Variants in ZHX3 observed in about 807,000 individuals in gnomAD.
ZHX3 encodes zinc fingers and homeoboxes 3, also known as zinc fingers and homeoboxes protein 3.
ZHX3 carries 20 observed loss-of-function variants against 64.5 expected under a neutral mutation model. The observed-to-expected ratio is 0.31, with a 90% CI of 0.22 to 0.45. ZHX3 has a LOEUF of 0.45. Among genes scored for constraint, ZHX3 ranks in the 20% least tolerant of loss-of-function variants. The pLI, the probability that ZHX3 is intolerant of heterozygous loss-of-function variation, is 1.00. For missense variants in ZHX3, 1,041 were observed against 1,195.8 expected, an observed-to-expected ratio of 0.87 and a Z score of 1.91; for synonymous variants, 423 against 461.6, an observed-to-expected ratio of 0.92 and a Z score of 1.07.
At chr20:41,295,554 C>G (rs1415011075) in intron 1 of ZHX3, among the ~76,000 whole-genome samples, 2 of 152,102 alleles carry the variant, frequency 1.3e-5, no homozygotes, top group Non-Finnish European at 2.9e-5. Context: ...GTTGGCTGTA[C>G]AATACTTTTA....
At chr20:41,236,543 G>A (rs1176855663) in intron 2 of ZHX3, among the ~76,000 whole-genome samples, 1 of 152,134 alleles carries the variant, frequency 6.6e-6, no homozygotes, top group Non-Finnish European at 1.5e-5. Context: ...TTTAATAAAC[G>A]GTGCTGGGAA....
At chr20:41,190,562 T>C (rs1335987447) in intron 3 of ZHX3, among the ~76,000 whole-genome samples, 1 of 152,240 alleles carries the variant, frequency 6.6e-6, no homozygotes, top group Admixed American at 6.5e-5. Flanking sequence ...TGTTTGGCAT[T>C]GTACTCTGGT....
chr20:41,185,147 C>T lies in ZHX3; in HGVS notation c.*44G>A, dbSNP rs376111178. 21 of 1,599,114 alleles carry T rather than the reference C, an allele frequency of 1.3e-5. No individual in the cohort carries two copies. Among genetic ancestry groups the T allele is most frequent in the Admixed American group, 5.2e-5 (3 of 58,070 alleles). ...GGGTTTGGCTCTTCCACGTGGCAGG[C>T]GGTTTCCCAGACTGGCCAGTCCTTC... On this transcript the variant is annotated 3_prime_UTR_variant, in exon 4 of 4. Coordinates refer to ENST00000683867, the MANE Select transcript of ZHX3 (RefSeq NM_001384317.1). This position sits in a 1 kb window ranked among gnomAD's most constrained non-coding sequence, Gnocchi z 5.0.
At chr20:41,239,839 T>C (rs1454902628) in intron 2 of ZHX3, 1 of 152,236 alleles carries the variant, frequency 6.6e-6, no homozygotes, top group African/African-American at 2.4e-5. Flanking sequence ...TAAGTGACAC[T>C]ATTTTTATCG....
In ZHX3 at chr20:41,185,350, C is replaced by T; in HGVS notation, c.2861-149G>A. The T allele has an allele frequency of 1.1e-6, 1 of 947,824 alleles. No individual in the cohort carries two copies. Among genetic ancestry groups the T allele is most frequent in the Non-Finnish European group, 1.6e-6 (1 of 638,140 alleles). The allele number at this position is 947,824 out of a possible 1,614,324, so 58.7% of individuals were successfully genotyped here. A position where few individuals can be genotyped will look rare whatever the true frequency, so the allele number is the denominator to read the frequency against. ...ATGAATGGCCTTCTGCCACCCACTC[C>T]CCCACCCTCCAGCCTGAGGGAATGT... is the stretch of plus-strand genomic sequence containing the variant. On this transcript the variant is annotated intron_variant, in intron 3 of 3. Transcript: ENST00000683867. The surrounding 1 kb of genome is among the most constrained non-coding windows in gnomAD (Gnocchi z 5.0).
intron 1 of ZHX3, among the ~76,000 whole-genome samples, chr20:41,285,139 TAA>T (rs1568943582): frequency 6.6e-6 from 1 of 152,114 alleles, no homozygotes; most frequent in Non-Finnish European, 1.5e-5. Context: ...TCATGGAACC[TAA>T]CATGCTAAAC....
intron 1 of ZHX3, among the ~76,000 whole-genome samples, chr20:41,271,539 T>C (rs953520126): frequency 5.3e-5 from 8 of 152,170 alleles, no homozygotes; most frequent in African/African-American, 1.7e-4. Flanking sequence ...GGATGGCATA[T>C]TTTGGATCAT....
At chr20:41,262,017 T>C (rs1380411531) in intron 2 of ZHX3, among the ~76,000 whole-genome samples, 3 of 152,090 alleles carry the variant, frequency 2.0e-5, no homozygotes, top group Non-Finnish European at 2.9e-5. Flanking sequence ...TCCCTAAAAC[T>C]AACAAACAAA....
intron 1 of ZHX3, among the ~76,000 whole-genome samples, chr20:41,281,669 C>T (rs2043682972): frequency 1.3e-5 from 2 of 152,138 alleles, no homozygotes; most frequent in African/African-American, 4.8e-5. Flanking sequence ...GGATGACTTC[C>T]TCCAGGAACT....
intron 2 of ZHX3, among the ~76,000 whole-genome samples, chr20:41,251,017 AAAT>A (rs1034816733): frequency 1.4e-4 from 21 of 152,310 alleles, no homozygotes; most frequent in African/African-American, 5.1e-4. Context: ...TAAAATTAAA[AAAT>A]AAAACCATGG....
chr20:41,294,981 A>T (rs6124337), intron 1 of ZHX3, among the ~76,000 whole-genome samples: 1 of 152,064 alleles, frequency 6.6e-6, no homozygotes, highest in Non-Finnish European at 1.5e-5. Flanking sequence ...ATACATAGGC[A>T]TGAGCCCCTG....
chr20:41,245,437 C>A (rs2041634397), intron 2 of ZHX3, among the ~76,000 whole-genome samples: 1 of 152,194 alleles, frequency 6.6e-6, no homozygotes, highest in Middle Eastern at 3.2e-3. Flanking sequence ...AGGTGCTGTG[C>A]TTTGAGTTCT....
intron 1 of ZHX3, among the ~76,000 whole-genome samples, chr20:41,314,356 A>C (rs896262207): frequency 6.6e-6 from 1 of 152,220 alleles, no homozygotes; most frequent in African/African-American, 2.4e-5. Context: ...CCATCCAAAA[A>C]CTGATAAGCA....
Position 41,212,702 on chromosome 20 carries a change from CAGG to C in ZHX3, c.-150-7639_-150-7637del, listed in dbSNP as rs2039248563. ...ATCCCAGCTACTCAGGAGGCTGAGG[CAGG>C]AGAATTGCTTGAACCTGGGAGGCGG... On this transcript the variant is annotated intron_variant, in intron 2 of 3. Coordinates refer to ENST00000683867, the MANE Select transcript of ZHX3 (RefSeq NM_001384317.1). This position sits in a 1 kb window ranked among gnomAD's most constrained non-coding sequence, Gnocchi z 4.3. Among the ~76,000 whole-genome samples the C allele has an allele frequency of 6.6e-6, 1 of 151,720 alleles. No individual in the cohort carries two copies. The highest frequency in any genetic ancestry group is 1.5e-5 in the Non-Finnish European group (1 of 67,958).
At chr20:41,227,003 C>T (rs1340124498) in intron 2 of ZHX3, among the ~76,000 whole-genome samples, 2 of 152,156 alleles carry the variant, frequency 1.3e-5, no homozygotes, top group Non-Finnish European at 2.9e-5. Context: ...CAGGAAGTAT[C>T]AGTTTCCCTT....
chr20:41,191,979 C>T (rs753337824), intron 3 of ZHX3, among the ~76,000 whole-genome samples: 1 of 152,226 alleles, frequency 6.6e-6, no homozygotes, highest in South Asian at 2.1e-4. Flanking sequence ...CTTGGGCTTT[C>T]GGGTGGCTTA....
Position 41,194,429 on chromosome 20 carries a change from C to T in ZHX3, c.2860+7628G>A, listed in dbSNP as rs146942124. Among the ~76,000 whole-genome samples the T allele has an allele frequency of 1.2e-4, 19 of 152,228 alleles. No individual in the cohort carries two copies. In the East Asian group the frequency reaches 3.5e-3, roughly 28 times the overall value. ...GCATTGCAGGGATAGATCCCTCTTG[C>T]TCATGAGGTATAATCCTTTTAGTAT... On this transcript the variant is annotated intron_variant, in intron 3 of 3. Coordinates refer to ENST00000683867, the MANE Select transcript of ZHX3 (RefSeq NM_001384317.1).
rs185473816 is a variant in ZHX3, at chr20:41,315,857, T to G, written c.-245+1652A>C. On this transcript the variant is annotated intron_variant, in intron 1 of 3. Transcript: ENST00000683867. ...TACTATGGTTTGTGGGATTATGGGG[T>G]TTTTTTTGTTTTGTTTTGTTTGCAA... Among the ~76,000 whole-genome samples the G allele has an allele frequency of 4.7e-3, 713 of 151,582 alleles. 8 individuals are homozygous for G. Among genetic ancestry groups the G allele is most frequent in the African/African-American group, 0.016 (676 of 41,386 alleles).
At chr20:41,248,449 C>T (rs1568892420) in intron 2 of ZHX3, among the ~76,000 whole-genome samples, 1 of 152,198 alleles carries the variant, frequency 6.6e-6, no homozygotes, top group Non-Finnish European at 1.5e-5. Flanking sequence ...CTTCCAATCT[C>T]ATGGGAACAT....
Sources: allele counts gnomAD v4.1 joint callset (sites outside exome capture counted in the v4.1 genomes callset), GRCh38; gene constraint gnomAD v4.1.1; non-coding constraint Gnocchi (gnomAD v3.1); transcripts MANE v1.5; gene names NCBI Gene and HGNC (gene_info 2026-07-23, HGNC 2026-07-21).